CADM4: variants seen among roughly 807,000 people sequenced by gnomAD.
CADM4 encodes the protein cell adhesion molecule 4, also known as TSLC1-like 2.
A neutral mutation model predicts 43.9 loss-of-function variants in CADM4; 13 were observed. The ratio of observed to expected loss-of-function variants is 0.30; its 90% CI spans 0.19 to 0.47. The LOEUF is 0.47. Among genes scored for constraint, CADM4 ranks in the 20% least tolerant of loss-of-function variants. The pLI, the probability that CADM4 is intolerant of heterozygous loss-of-function variation, is 1.00. For synonymous variants in CADM4, 209 were observed against 220.9 expected (o/e 0.95, Z 0.48); for missense variants, 420 against 527.0 (o/e 0.80, Z 1.99).
In CADM4 at chr19:43,639,748, A is replaced by ACAG. The variant is rs1434255293; in HGVS notation, c.40_42dup (p.Leu14dup). 6.7e-5 allele frequency: 68 copies of ACAG among 1,017,000 alleles called. No homozygotes were observed. Among genetic ancestry groups the ACAG allele is most frequent in the Admixed American group, 2.0e-4 (4 of 19,840 alleles). The allele number at this position is 1,017,000 out of a possible 1,614,324, so 63.0% of individuals were successfully genotyped here. On this transcript the variant is annotated inframe_insertion, in exon 1 of 9. Transcript: ENST00000222374. ...CTACCTGGCCCCGCCGCGGCCGCCCACAGCAGCAGCAGCGGCCACTGGAAG... is the reference window on the plus strand; with the variant it reads ...CTACCTGGCCCCGCCGCGGCCGCCCACAGCAGCAGCAGCAGCGGCCACTGGAAG...
In CADM4 at chr19:43,627,580, A is replaced by G. The variant is rs1357307495; in HGVS notation, c.211+64T>C. ...TCTCAGGTGTGTCCTCTTTCAGGAC[A>G]TGGGAGCCTGGGCCCCAGCCCTCTC... is the stretch of plus-strand genomic sequence containing the variant. On this transcript the variant is annotated intron_variant, in intron 2 of 8. Coordinates refer to ENST00000222374, the MANE Select transcript of CADM4 (RefSeq NM_145296.2). The surrounding 1 kb of genome is among the most constrained non-coding windows in gnomAD (Gnocchi z 4.0). The G allele has an allele frequency of 1.3e-6, 2 of 1,551,700 alleles. No individual in the cohort carries two copies. Among genetic ancestry groups the G allele is most frequent in the Non-Finnish European group, 8.8e-7 (1 of 1,135,888 alleles).
chr19:43,627,895 C>T lies in CADM4; in HGVS notation c.65-105G>A. The T allele has an allele frequency of 8.6e-7, 1 of 1,163,302 alleles. No individual in the cohort carries two copies. The highest frequency in any genetic ancestry group is 1.2e-6 in the Non-Finnish European group (1 of 800,240). The allele number at this position is 1,163,302 out of a possible 1,614,324, so 72.1% of individuals were successfully genotyped here. On this transcript the variant is annotated intron_variant, in intron 1 of 8. Transcript: ENST00000222374. The surrounding 1 kb of genome is among the most constrained non-coding windows in gnomAD (Gnocchi z 4.0). ...TCCAAACCTCCAATCCCTCTCTTTC[C>T]CCTCATTCATTCCATTGCACTGAAC...
In CADM4 at chr19:43,639,823, C is replaced by G; in HGVS notation, c.-33G>C. On this transcript the variant is annotated 5_prime_UTR_variant, in exon 1 of 9. Coordinates refer to ENST00000222374, the MANE Select transcript of CADM4 (RefSeq NM_145296.2). Reference sequence around the variant, plus strand: ...CCGCCGCCGCCGCCGCCGCTCGCTCCCGGCCCGGCACCTGCACCGCCCGCG... The same window carrying G: ...CCGCCGCCGCCGCCGCCGCTCGCTCGCGGCCCGGCACCTGCACCGCCCGCG... The G allele has an allele frequency of 6.0e-6, 6 of 992,938 alleles. No individual in the cohort carries two copies. The highest frequency in any genetic ancestry group is 7.1e-6 in the Non-Finnish European group (6 of 839,190). The allele number at this position is 992,938 out of a possible 1,614,324, so 61.5% of individuals were successfully genotyped here.
rs1234496183 is a variant in CADM4 at position 43,625,907 on chromosome 19, T to C, written c.755+4A>G. 5.0e-6 allele frequency: 8 copies of C among 1,613,048 alleles called. No individual in the cohort carries two copies. Among genetic ancestry groups the C allele is most frequent in the Non-Finnish European group, 6.8e-6 (8 of 1,179,224 alleles). ...TGAGGACGCAGGAGGCCCCCAGAGCTCACCTGGGGTTCCCCGTGACAGCAC... is the reference window on the plus strand; with the variant it reads ...TGAGGACGCAGGAGGCCCCCAGAGCCCACCTGGGGTTCCCCGTGACAGCAC... On this transcript the variant is annotated splice_donor_region_variant and intron_variant, in intron 6 of 8. Transcript: ENST00000222374. This position sits in a 1 kb window ranked among gnomAD's most constrained non-coding sequence, Gnocchi z 4.5.
rs1973528049 is a variant in CADM4, at chr19:43,626,345, C to CGGGTGGT, written c.500-58_500-57insACCACCC. On this transcript the variant is annotated intron_variant, in intron 4 of 8. Coordinates refer to ENST00000222374, the MANE Select transcript of CADM4 (RefSeq NM_145296.2). The surrounding 1 kb of genome is among the most constrained non-coding windows in gnomAD (Gnocchi z 5.9). ...ACAATTCCGGCTCCATCCACCCACC[C>CGGGTGGT]ACCCGAGCCAACGCCAAAGCAGGCT... 1 of 1,584,648 alleles carries CGGGTGGT rather than the reference C, an allele frequency of 6.3e-7. No homozygotes were observed. Among genetic ancestry groups the CGGGTGGT allele is most frequent in the African/African-American group, 1.3e-5 (1 of 74,718 alleles).
At chr19:43,635,265 C>T (rs1258473846) in intron 1 of CADM4, among the ~76,000 whole-genome samples, 1 of 152,114 alleles carries the variant, frequency 6.6e-6, no homozygotes, top group Non-Finnish European at 1.5e-5. Context: ...CATCCTGCCT[C>T]CTTCCCCCTT....
At chr19:43,629,625 T>C (rs1278944361) in intron 1 of CADM4, among the ~76,000 whole-genome samples, 1 of 152,088 alleles carries the variant, frequency 6.6e-6, no homozygotes, top group Non-Finnish European at 1.5e-5. Flanking sequence ...TTATCATTAT[T>C]ATTATTATTT....
At chr19:43,631,518 G>T (rs1348908541) in intron 1 of CADM4, among the ~76,000 whole-genome samples, 1 of 152,040 alleles carries the variant, frequency 6.6e-6, no homozygotes, top group Non-Finnish European at 1.5e-5. Flanking sequence ...TAAAAGAAAA[G>T]AACACTGGTT....
At position 43,622,635 on chromosome 19, in the gene CADM4, G is replaced by T. The variant is rs996477924; in HGVS notation, c.*695C>A. 1 of 152,614 alleles carries T rather than the reference G, an allele frequency of 6.6e-6. No homozygotes were observed. Among genetic ancestry groups the T allele is most frequent in the African/African-American group, 2.4e-5 (1 of 41,412 alleles). The allele number at this position is 152,614 out of a possible 1,614,324, so 9.5% of individuals were successfully genotyped here. A position where few individuals can be genotyped will look rare whatever the true frequency, so the allele number is the denominator to read the frequency against. On this transcript the variant is annotated 3_prime_UTR_variant, in exon 9 of 9. Coordinates refer to ENST00000222374, the MANE Select transcript of CADM4 (RefSeq NM_145296.2). ...TCCTTTCCCCCTCCCCGGGGGGCCT[G>T]GAGGAGAGATGGGGAAGGCCCCCCC...
rs1004668799 is a variant in CADM4 at position 43,627,587 on chromosome 19, C to G, written c.211+57G>C. On this transcript the variant is annotated intron_variant, in intron 2 of 8. Coordinates refer to ENST00000222374, the MANE Select transcript of CADM4 (RefSeq NM_145296.2). This position sits in a 1 kb window ranked among gnomAD's most constrained non-coding sequence, Gnocchi z 4.0. ...TGTGTCCTCTTTCAGGACATGGGAG[C>G]CTGGGCCCCAGCCCTCTCTTCCTTT... The G allele has an allele frequency of 1.9e-6, 3 of 1,560,836 alleles. No homozygotes were observed. In the African/African-American group the frequency reaches 4.1e-5, roughly 21 times the overall value.
intron 1 of CADM4, among the ~76,000 whole-genome samples, chr19:43,633,644 TTC>T (rs1357732064): frequency 6.6e-6 from 1 of 150,494 alleles, no homozygotes; most frequent in African/African-American, 2.4e-5. Context: ...TCTCTCTTTT[TTC>T]TTTCTCTCTT....
At chr19:43,635,289 G>A (rs1177882773) in intron 1 of CADM4, among the ~76,000 whole-genome samples, 1 of 151,696 alleles carries the variant, frequency 6.6e-6, no homozygotes, top group Non-Finnish European at 1.5e-5. Flanking sequence ...CCCTTAGGGA[G>A]GTGGTACATC....
At position 43,626,329 on chromosome 19, in the gene CADM4, G is replaced by C. The variant is rs773561946; in HGVS notation, c.500-41C>G. 4.4e-6 allele frequency: 7 copies of C among 1,596,200 alleles called. No homozygotes were observed. The South Asian group carries it at 6.6e-5, about 15-fold the overall frequency. On this transcript the variant is annotated intron_variant, in intron 4 of 8. Coordinates refer to ENST00000222374, the MANE Select transcript of CADM4 (RefSeq NM_145296.2). The surrounding 1 kb of genome is among the most constrained non-coding windows in gnomAD (Gnocchi z 5.9). ...CAGACACTGTCAGGCCACAATTCCGGCTCCATCCACCCACCCACCCGAGCC... is the reference window on the plus strand; with the variant it reads ...CAGACACTGTCAGGCCACAATTCCGCCTCCATCCACCCACCCACCCGAGCC...
At chr19:43,628,110 TCCA>T (rs1199830017) in intron 1 of CADM4, among the ~76,000 whole-genome samples, 1 of 152,056 alleles carries the variant, frequency 6.6e-6, no homozygotes, top group Non-Finnish European at 1.5e-5. Flanking sequence ...GCAAGAAAGC[TCCA>T]TTGGATCTGG....
rs1037613041 is a variant in CADM4 at position 43,625,574 on chromosome 19, T to TAAAAAA, written c.756-330_756-325dup. 7.4e-6 allele frequency among the ~76,000 whole-genome samples: 1 copy of TAAAAAA among 134,726 alleles called. No individual in the cohort carries two copies. Among genetic ancestry groups the TAAAAAA allele is most frequent in the African/African-American group, 2.8e-5 (1 of 36,222 alleles). 88.4% of individuals were successfully genotyped at this position (134,726 alleles called of 152,430 possible). On this transcript the variant is annotated intron_variant, in intron 6 of 8. Coordinates refer to ENST00000222374, the MANE Select transcript of CADM4 (RefSeq NM_145296.2). This position sits in a 1 kb window ranked among gnomAD's most constrained non-coding sequence, Gnocchi z 4.5. ...CACAGGGAGACCCCGTCACTACAATTAAAAAATAATAATAATAATAATAAT... is the reference window on the plus strand; with the variant it reads ...CACAGGGAGACCCCGTCACTACAATTAAAAAAAAAAAATAATAATAATAATAATAAT...
chr19:43,636,150 T>C (rs1973701127), intron 1 of CADM4, among the ~76,000 whole-genome samples: 1 of 151,968 alleles, frequency 6.6e-6, no homozygotes, highest in African/African-American at 2.4e-5. Flanking sequence ...TCCTCAATCC[T>C]CTGTCCCCTC....
rs1324462180 is a variant in CADM4, at chr19:43,625,235, G to T, written c.771C>A (p.Arg257=). The change falls in exon 7 of 9, where the codon CGC becomes CGA. Residue 257 remains arginine, a synonymous_variant. Coordinates refer to ENST00000222374, the MANE Select transcript of CADM4 (RefSeq NM_145296.2). The surrounding 1 kb of genome is among the most constrained non-coding windows in gnomAD (Gnocchi z 4.5). ...GCAAAGACTCATTCCCGCGGTTCCA[G>T]CGGATCTGGTTTGGCCTGGGTGGGG... The part of the protein sequence containing the change: ...VTGNPRPNQI[R]WNRGNESLPE... 1.2e-6 allele frequency: 2 copies of T among 1,614,128 alleles called. No individual in the cohort carries two copies. The highest frequency in any genetic ancestry group is 1.7e-5 in the Admixed American group (1 of 60,006).
chr19:43,624,989 C>T (rs1353079131), intron 7 of CADM4, 89 bp downstream of exon 7: 1 of 1,355,716 alleles, frequency 7.4e-7, no homozygotes, highest in Admixed American at 2.6e-5. Flanking sequence ...GCTGCCGAAC[C>T]CCTGAGTTAT....
chr19:43,633,701 G>A lies in CADM4; in HGVS notation c.65-5911C>T, dbSNP rs413176. 7.6e-3 allele frequency among the ~76,000 whole-genome samples: 735 copies of A among 96,940 alleles called. 7 individuals carry two copies. Among genetic ancestry groups the A allele is most frequent in the African/African-American group, 0.028 (703 of 25,240 alleles). The allele number at this position is 96,940 out of a possible 152,430, so 63.6% of individuals were successfully genotyped here. On this transcript the variant is annotated intron_variant, in intron 1 of 8. Coordinates refer to ENST00000222374, the MANE Select transcript of CADM4 (RefSeq NM_145296.2). ...CTTTCTTTCTTTTTTCTTTTTTTGA[G>A]ATAAGGTCTCGCTCTGTCACCCAGG...
Sources: gnomAD v4.1 joint callset for allele counts (sites outside exome capture counted in the v4.1 genomes callset) on GRCh38, gnomAD v4.1.1 for gene constraint, Gnocchi (gnomAD v3.1) non-coding constraint, MANE v1.5 for transcripts, NCBI Gene and HGNC (gene_info 2026-07-23, HGNC 2026-07-21) for gene names.